The following CDH13 variants were observed in gnomAD, a reference collection of about 807,000 sequenced individuals.
CDH13 encodes the protein cadherin 13, also known as cadherin-13.
Under a neutral mutation model 63.8 loss-of-function variants are expected in CDH13, and 24 were observed. That is an observed-to-expected ratio of 0.38 (90% CI 0.27 to 0.53). The LOEUF is 0.53. Ranked by LOEUF, CDH13 falls within the 20% of genes least tolerant of loss-of-function variation. The pLI, the probability that CDH13 is intolerant of heterozygous loss-of-function variation, is 0.85. For synonymous variants in CDH13, 503 were observed against 355.3 expected (o/e 1.42, Z -4.67); for missense variants, 1,049 against 903.1 (o/e 1.16, Z -2.07).
rs75481559 is a variant in CDH13, at chr16:83,524,349, T to C, written c.960+37694T>C. ...AAATGTATAACCACATTATTATGGGTTCTTTACAATTGTAGGAGCAGGAAG... is the reference window on the plus strand; with the variant it reads ...AAATGTATAACCACATTATTATGGGCTCTTTACAATTGTAGGAGCAGGAAG... On this transcript the variant is annotated intron_variant, in intron 7 of 13. Transcript: ENST00000567109. Among the ~76,000 whole-genome samples, 1,223 of 152,116 alleles carry C rather than the reference T, an allele frequency of 8.0e-3. 12 individuals carry two copies. Among genetic ancestry groups the C allele is most frequent in the African/African-American group, 0.028 (1,170 of 41,510 alleles).
intron 1 of CDH13, among the ~76,000 whole-genome samples, chr16:82,695,056 C>G (rs2030097367): frequency 6.6e-6 from 1 of 152,048 alleles, no homozygotes; most frequent in South Asian, 2.1e-4. Context: ...GTGGAGGAGG[C>G]AGCGTGGGCA....
intron 4 of CDH13, among the ~76,000 whole-genome samples, chr16:83,217,106 A>G (rs1012552977): frequency 2.0e-5 from 3 of 152,174 alleles, no homozygotes; most frequent in Admixed American, 6.6e-5. Context: ...CCATCACTGT[A>G]TGTCACCCGA....
intron 7 of CDH13, among the ~76,000 whole-genome samples, chr16:83,498,367 C>G (rs939893504): frequency 1.3e-5 from 2 of 152,172 alleles, no homozygotes; most frequent in African/African-American, 4.8e-5. Flanking sequence ...TGAGATTATT[C>G]TAGAGCCACC....
At chr16:82,833,078 G>T (rs1023029717) in intron 1 of CDH13, among the ~76,000 whole-genome samples, 1 of 152,158 alleles carries the variant, frequency 6.6e-6, no homozygotes, top group Non-Finnish European at 1.5e-5. Context: ...GTGTGTTATG[G>T]TAACATTCCC....
intron 7 of CDH13, among the ~76,000 whole-genome samples, chr16:83,583,039 G>C (rs1283502309): frequency 1.3e-5 from 2 of 152,172 alleles, no homozygotes; most frequent in African/African-American, 4.8e-5. Context: ...GGTAGGCCTT[G>C]CTGTCTCTCG....
At chr16:83,331,951 C>T (rs1489361404) in intron 5 of CDH13, among the ~76,000 whole-genome samples, 1 of 152,136 alleles carries the variant, frequency 6.6e-6, no homozygotes, top group Admixed American at 6.5e-5. Flanking sequence ...CACACACGCA[C>T]ATATCAGGCT....
At chr16:83,178,028 C>G (rs773998396) in intron 4 of CDH13, among the ~76,000 whole-genome samples, 1 of 152,078 alleles carries the variant, frequency 6.6e-6, no homozygotes, top group Non-Finnish European at 1.5e-5. Context: ...ACGGGAAACC[C>G]TAGCATAGAA....
At chr16:83,255,379 A>T (rs1230431016) in intron 5 of CDH13, among the ~76,000 whole-genome samples, 1 of 152,166 alleles carries the variant, frequency 6.6e-6, no homozygotes. Context: ...GAAAATTAGG[A>T]ACGCCTGCAG....
At chr16:83,464,738 C>T (rs2073266201) in intron 6 of CDH13, among the ~76,000 whole-genome samples, 1 of 152,140 alleles carries the variant, frequency 6.6e-6, no homozygotes, top group African/African-American at 2.4e-5. Context: ...TAACTAATTA[C>T]ATCCGAAAAG....
intron 3 of CDH13, among the ~76,000 whole-genome samples, chr16:83,059,238 C>T (rs1479281511): frequency 1.3e-5 from 2 of 152,154 alleles, no homozygotes; most frequent in Non-Finnish European, 2.9e-5. Context: ...CAGAGTCATC[C>T]ACCTGAAAAA....
intron 1 of CDH13, among the ~76,000 whole-genome samples, chr16:82,815,544 A>G (rs1220983146): frequency 6.6e-6 from 1 of 152,198 alleles, no homozygotes; most frequent in African/African-American, 2.4e-5. Context: ...TTCAGAAACA[A>G]GCTGGTTTCA....
intron 11 of CDH13, 124 bp downstream of exon 11, chr16:83,748,374 C>A: frequency 1.2e-6 from 1 of 816,732 alleles, no homozygotes; most frequent in Non-Finnish European, 1.9e-6. Context: ...GTGGGAACAG[C>A]AAAGTAAATG....
chr16:83,414,794 C>A lies in CDH13; in HGVS notation c.781+69788C>A, dbSNP rs372076153. On this transcript the variant is annotated intron_variant, in intron 6 of 13. Coordinates refer to ENST00000567109, the MANE Select transcript of CDH13 (RefSeq NM_001257.5). ...ATCATATTTTATTCTATGTATGTGT[C>A]ATATTTATCCACTCATCCATCACTG... Among the ~76,000 whole-genome samples the A allele has an allele frequency of 4.1e-4, 62 of 152,220 alleles. 2 individuals carry two copies. The highest frequency in any genetic ancestry group is 1.5e-3 in the African/African-American group (61 of 41,538).
intron 5 of CDH13, among the ~76,000 whole-genome samples, chr16:83,274,103 C>G (rs11643757): frequency 0.1 from 15,547 of 152,288 alleles, 1,142 homozygotes; most frequent in Non-Finnish European, 0.15. Flanking sequence ...CGCCTTCCCC[C>G]AGGCCAGGCC....
At chr16:82,861,212 G>A (rs2194285) in intron 2 of CDH13, among the ~76,000 whole-genome samples, 111,927 of 152,132 alleles carry the variant, frequency 0.74, 41,513 homozygotes, top group East Asian at 0.88. Context: ...TGTACACAGT[G>A]AGAAAACTAG....
intron 6 of CDH13, among the ~76,000 whole-genome samples, chr16:83,410,232 C>G (rs1274391922): frequency 6.6e-6 from 1 of 152,186 alleles, no homozygotes; most frequent in African/African-American, 2.4e-5. Context: ...TCTAAATAGA[C>G]AAGGTTCAAT....
intron 1 of CDH13, among the ~76,000 whole-genome samples, chr16:82,835,936 G>C (rs569270396): frequency 2.0e-5 from 3 of 152,114 alleles, no homozygotes; most frequent in Non-Finnish European, 2.9e-5. Flanking sequence ...CCAGGCTCTT[G>C]AGGCTCCTCA....
intron 5 of CDH13, among the ~76,000 whole-genome samples, chr16:83,321,683 C>G (rs1169656113): frequency 6.6e-6 from 1 of 151,976 alleles, no homozygotes; most frequent in Non-Finnish European, 1.5e-5. Context: ...CGCCTGCCAC[C>G]ATGCCCAGCT....
At chr16:83,276,240 TGTTTTTCCCTTTG>T (rs1395053132) in intron 5 of CDH13, among the ~76,000 whole-genome samples, 1 of 152,130 alleles carries the variant, frequency 6.6e-6, no homozygotes, top group Non-Finnish European at 1.5e-5. Context: ...AGCTGATATC[TGTTTTTCCCTTTG>T]GTCCTAGCCC....
Sources: gnomAD v4.1 joint callset for allele counts (sites outside exome capture counted in the v4.1 genomes callset) on GRCh38, gnomAD v4.1.1 for gene constraint, MANE v1.5 for transcripts, NCBI Gene and HGNC (gene_info 2026-07-23, HGNC 2026-07-21) for gene names.